NOTCH2: variants seen among roughly 807,000 people sequenced by gnomAD.
NOTCH2 encodes notch receptor 2, also known as neurogenic locus notch homolog protein 2.
NOTCH2 carries 29 observed loss-of-function variants against 235.8 expected under a neutral mutation model. The observed-to-expected ratio is 0.12, with a 90% CI of 0.09 to 0.17. NOTCH2 has a LOEUF of 0.17. Among genes scored for constraint, NOTCH2 ranks in the 10% least tolerant of loss-of-function variants. NOTCH2 has a pLI of 1.00. For missense variants in NOTCH2, 2,285 were observed against 3,150.2 expected (o/e 0.73, Z 6.57); for synonymous variants, 1,086 against 1,141.5 (o/e 0.95, Z 0.98).
chr1:119,926,210 C>T (rs1649466808), intron 24 of NOTCH2, among the ~76,000 whole-genome samples: 1 of 152,234 alleles, frequency 6.6e-6, no homozygotes, highest in Non-Finnish European at 1.5e-5. Context: ...CAAGGGGGCA[C>T]TCCACCACTT....
chr1:119,918,574 GAA>G, intron 31 of NOTCH2, 21 bp from the exon 32 acceptor site: 1 of 1,613,632 alleles, frequency 6.2e-7, no homozygotes, highest in South Asian at 1.1e-5. Context: ...AGAAAGTACA[GAA>G]AAGAGAGTCA....
At chr1:119,917,054 A>G (rs774510025) in intron 33 of NOTCH2, among the ~76,000 whole-genome samples, 3 of 152,184 alleles carry the variant, frequency 2.0e-5, no homozygotes, top group African/African-American at 4.8e-5. Context: ...AGAAATAAGA[A>G]AGGTAGGAAT....
Position 119,912,647 on chromosome 1 carries a change from C to T in NOTCH2, c.*2659G>A, listed in dbSNP as rs2101138001. ...AGTCAAAGAAAGAAAGCATTTATAACAATAAAAATAAACCAAAAATAGCAG... is the reference window on the plus strand; with the variant it reads ...AGTCAAAGAAAGAAAGCATTTATAATAATAAAAATAAACCAAAAATAGCAG... On this transcript the variant is annotated 3_prime_UTR_variant, in exon 34 of 34. Transcript: ENST00000256646. 8.6e-6 allele frequency: 2 copies of T among 232,938 alleles called. No individual in the cohort carries two copies. The highest frequency in any genetic ancestry group is 6.1e-5 in the East Asian group (1 of 16,514). 14.4% of individuals were successfully genotyped at this position (232,938 alleles called of 1,614,324 possible). A position where few individuals can be genotyped will look rare whatever the true frequency, so the allele number is the denominator to read the frequency against.
intron 20 of NOTCH2, 134 bp downstream of exon 20, chr1:119,937,723 T>C (rs907089114): frequency 3.0e-6 from 3 of 988,724 alleles, no homozygotes; most frequent in Non-Finnish European, 4.6e-6. Context: ...TCTTGAGCCC[T>C]TTCCCCAGAG....
At chr1:119,951,139 A>T (rs1401431967) in intron 14 of NOTCH2, among the ~76,000 whole-genome samples, 2 of 152,148 alleles carry the variant, frequency 1.3e-5, no homozygotes, top group East Asian at 3.8e-4. Flanking sequence ...AGCTTGTTGC[A>T]GGATCTATTT....
At chr1:119,974,869 C>T (rs1553200728) in intron 5 of NOTCH2, among the ~76,000 whole-genome samples, 2 of 152,196 alleles carry the variant, frequency 1.3e-5, no homozygotes, top group South Asian at 2.1e-4. Flanking sequence ...TTCCCCATTT[C>T]GCTATAAGCT....
At position 119,915,858 on chromosome 1, in the gene NOTCH2, T is replaced by A. The variant is rs2101142821; in HGVS notation, c.6864A>T (p.Pro2288=). ...GGGTGGTTATGTGCTTCCCTTCAGGTGGCCTGCTCTGGGGAGCTATGCCAG... is the reference window on the plus strand; with the variant it reads ...GGGTGGTTATGTGCTTCCCTTCAGGAGGCCTGCTCTGGGGAGCTATGCCAG... ...THPGIAPQSR[P]PEGKHITTPR... The change falls in exon 34 of 34, where the codon CCA becomes CCT. Residue 2288 remains proline, a synonymous_variant. Transcript: ENST00000256646. 6.2e-7 allele frequency: 1 copy of A among 1,614,134 alleles called. No individual in the cohort carries two copies. The highest frequency in any genetic ancestry group is 8.5e-7 in the Non-Finnish European group (1 of 1,180,020).
intron 11 of NOTCH2, among the ~76,000 whole-genome samples, chr1:119,961,713 A>G (rs2101133841): frequency 6.6e-6 from 1 of 152,328 alleles, no homozygotes; most frequent in South Asian, 2.1e-4. Flanking sequence ...AAACTTTACT[A>G]TCATAAAAGC....
intron 12 of NOTCH2, among the ~76,000 whole-genome samples, chr1:119,957,829 A>AACACACACACAC (rs3222739): frequency 0.011 from 1,285 of 116,482 alleles, 33 homozygotes; most frequent in East Asian, 0.029. Flanking sequence ...GCCTTATATA[A>AACACACACACAC]ACACACACAC....
intron 10 of NOTCH2, 106 bp from the exon 11 acceptor site, chr1:119,963,913 CAATT>C: frequency 1.1e-6 from 1 of 943,878 alleles, no homozygotes; most frequent in Non-Finnish European, 1.7e-6. Context: ...GATGTGTGGT[CAATT>C]AATACTGCAG....
At chr1:119,971,268 T>G (rs782013674) in intron 5 of NOTCH2, among the ~76,000 whole-genome samples, 15 of 152,226 alleles carry the variant, frequency 9.9e-5, no homozygotes, top group Non-Finnish European at 1.6e-4. Context: ...AGGATGGGTA[T>G]GTGGATGTCT....
intron 22 of NOTCH2, 149 bp downstream of exon 22, chr1:119,935,323 T>A: frequency 6.3e-7 from 1 of 1,585,680 alleles, no homozygotes; most frequent in Non-Finnish European, 8.6e-7. Flanking sequence ...GAGAATAAAA[T>A]GGCTTGAATT....
intron 7 of NOTCH2, 60 bp downstream of exon 7, chr1:119,968,017 T>A (rs987989953): frequency 1.3e-6 from 2 of 1,598,298 alleles, no homozygotes; most frequent in African/African-American, 2.7e-5. Flanking sequence ...GTGCTTCAGT[T>A]TAAACATTTG....
At chr1:119,959,852 T>C in intron 11 of NOTCH2, among the ~76,000 whole-genome samples, 1 of 152,206 alleles carries the variant, frequency 6.6e-6, no homozygotes, top group African/African-American at 2.4e-5. Context: ...CATGCCACAG[T>C]TAAACAAGCA....
intron 17 of NOTCH2, among the ~76,000 whole-genome samples, chr1:119,946,169 T>C (rs1286047835): frequency 2.0e-5 from 3 of 152,092 alleles, no homozygotes; most frequent in Non-Finnish European, 4.4e-5. Flanking sequence ...GGCACTTATA[T>C]GTATTAGGAA....
intron 2 of NOTCH2, among the ~76,000 whole-genome samples, chr1:120,011,355 C>A (rs587678740): frequency 5.3e-4 from 80 of 152,208 alleles, no homozygotes; most frequent in African/African-American, 1.8e-3. Context: ...AAAGAACAAG[C>A]CTTCTGCTTC....
chr1:119,935,110 A>T (rs1649801253), intron 22 of NOTCH2: 1 of 985,162 alleles, frequency 1.0e-6, no homozygotes. Context: ...ATACAAAAGC[A>T]GGTAAATGTA....
At position 119,916,535 on chromosome 1, in the gene NOTCH2, C is replaced by T; in HGVS notation, c.6187G>A (p.Asp2063Asn). 1 of 1,613,702 alleles carries T rather than the reference C, an allele frequency of 6.2e-7. No individual in the cohort carries two copies. The highest frequency in any genetic ancestry group is 8.5e-7 in the Non-Finnish European group (1 of 1,179,626). ...RMHHDIVRLLDEYNVTPSPPG... is the reference protein window; with the variant it reads ...RMHHDIVRLLNEYNVTPSPPG... ...GGGCTTGGGGTCACATTGTATTCAT[C>T]CAGAAGGCGCACAATGTCATGGTGC... The change falls in exon 34 of 34, where the codon GAT (aspartate) becomes AAT (asparagine). Residue 2063 changes from aspartate to asparagine, a missense_variant. Transcript: ENST00000256646.
In NOTCH2 at chr1:119,981,943, TA is replaced by T. The variant is rs377566149; in HGVS notation, c.874+5016del. On this transcript the variant is annotated intron_variant, in intron 5 of 33. Coordinates refer to ENST00000256646, the MANE Select transcript of NOTCH2 (RefSeq NM_024408.4). ...CAAAAAACCTCCATCCCTATAGTCC[TA>T]AAAAAAAAAAAGTAGAAAAATGGTT... 2.6e-3 allele frequency among the ~76,000 whole-genome samples: 370 copies of T among 141,194 alleles called. 2 individuals are homozygous for T. Among genetic ancestry groups the T allele is most frequent in the African/African-American group, 4.7e-3 (181 of 38,634 alleles). 92.6% of individuals were successfully genotyped at this position (141,194 alleles called of 152,430 possible).
Sources: allele counts gnomAD v4.1 joint callset (sites outside exome capture counted in the v4.1 genomes callset), GRCh38; gene constraint gnomAD v4.1.1; transcripts MANE v1.5; gene names NCBI Gene and HGNC (gene_info 2026-07-23, HGNC 2026-07-21).